The following ADAM18 variants were observed in gnomAD, a reference collection of about 807,000 sequenced individuals.
The protein encoded by ADAM18 is disintegrin and metalloproteinase domain-containing protein 18.
Under a neutral mutation model 94.4 loss-of-function variants are expected in ADAM18, and 117 were observed. The observed-to-expected ratio is 1.24, with a 90% confidence interval of 1.07 to 1.45. ADAM18 has a LOEUF of 1.45. Among genes scored for constraint, ADAM18 ranks in the 40% most tolerant of loss-of-function variants. The pLI is 0.00. For missense variants in ADAM18, 936 were observed against 880.0 expected (o/e 1.06, Z -0.81); for synonymous variants, 327 against 291.6 (o/e 1.12, Z -1.24).
intron 16 of ADAM18, among the ~76,000 whole-genome samples, chr8:39,686,196 A>G (rs1231316959): frequency 6.6e-6 from 1 of 152,042 alleles, no homozygotes; most frequent in Non-Finnish European, 1.5e-5. Context: ...CCACTTCCAC[A>G]TCTTTAGGTA....
intron 7 of ADAM18, 71 bp from the exon 8 acceptor site, chr8:39,637,193 A>G (rs1399525550): frequency 8.4e-7 from 1 of 1,186,868 alleles, no homozygotes; most frequent in African/African-American, 1.6e-5. Context: ...ATCTAATACA[A>G]TGCCTAAATA....
chr8:39,618,831 C>T (rs999761379), intron 6 of ADAM18, among the ~76,000 whole-genome samples: 6 of 152,178 alleles, frequency 3.9e-5, no homozygotes, highest in Non-Finnish European at 8.8e-5. Flanking sequence ...TGAAACCTCC[C>T]TGACTGCACG....
intron 17 of ADAM18, among the ~76,000 whole-genome samples, chr8:39,695,095 A>T (rs757562646): frequency 6.6e-6 from 1 of 151,478 alleles, no homozygotes; most frequent in Non-Finnish European, 1.5e-5. Flanking sequence ...ATTCCACTGT[A>T]CAGATGTACC....
chr8:39,677,016 G>A (rs531839902), intron 14 of ADAM18, among the ~76,000 whole-genome samples: 7 of 152,236 alleles, frequency 4.6e-5, no homozygotes, highest in Admixed American at 2.0e-4. Context: ...CATGCTGGAA[G>A]GACCAAATAA....
chr8:39,715,340 A>G (rs1822538838), intron 18 of ADAM18, among the ~76,000 whole-genome samples: 1 of 152,062 alleles, frequency 6.6e-6, no homozygotes, highest in Non-Finnish European at 1.5e-5. Flanking sequence ...TTACAGAAAA[A>G]TGCACAGCAT....
At chr8:39,638,682 TG>T in intron 10 of ADAM18, 136 bp downstream of exon 10, 1 of 443,138 alleles carries the variant, frequency 2.3e-6, no homozygotes, top group Non-Finnish European at 3.9e-6. Context: ...ATTATTTTAT[TG>T]GGACAAAATT....
chr8:39,660,559 G>A (rs1820807834), intron 12 of ADAM18, among the ~76,000 whole-genome samples: 1 of 152,104 alleles, frequency 6.6e-6, no homozygotes, highest in Non-Finnish European at 1.5e-5. Flanking sequence ...AATTATAAAT[G>A]CATCCAATAC....
intron 6 of ADAM18, among the ~76,000 whole-genome samples, chr8:39,622,548 G>A (rs1245578259): frequency 6.6e-6 from 1 of 151,732 alleles, no homozygotes; most frequent in East Asian, 1.9e-4. Context: ...TTTTACTTAT[G>A]CAATTTTTAA....
At chr8:39,689,500 T>C (rs1215652931) in intron 16 of ADAM18, among the ~76,000 whole-genome samples, 1 of 152,180 alleles carries the variant, frequency 6.6e-6, no homozygotes, top group Non-Finnish European at 1.5e-5. Context: ...GATTAGATTG[T>C]AGTAAATGTG....
chr8:39,584,597 T>C lies in ADAM18; in HGVS notation c.-26T>C, dbSNP rs773091632. The C allele has an allele frequency of 6.2e-7, 1 of 1,611,380 alleles. No individual in the cohort carries two copies. The highest frequency in any genetic ancestry group is 8.5e-7 in the Non-Finnish European group (1 of 1,179,884). ...CTGCTCAACGGTCTCTGTCCTTGGC[T>C]GTGGCTCCTGCGCTCTGGCTGAGCC... On this transcript the variant is annotated 5_prime_UTR_variant, in exon 1 of 20. Coordinates refer to ENST00000265707, the MANE Select transcript of ADAM18 (RefSeq NM_014237.3).
At chr8:39,674,178 T>C (rs1281896543) in intron 14 of ADAM18, among the ~76,000 whole-genome samples, 1 of 152,200 alleles carries the variant, frequency 6.6e-6, no homozygotes, top group Non-Finnish European at 1.5e-5. Flanking sequence ...TGGATATTCT[T>C]GTTAACCTTC....
intron 19 of ADAM18, among the ~76,000 whole-genome samples, chr8:39,729,665 T>A (rs908981281): frequency 6.6e-6 from 1 of 152,036 alleles, no homozygotes; most frequent in Non-Finnish European, 1.5e-5. Flanking sequence ...AGCTTTTTAG[T>A]TGGACTCCTT....
chr8:39,662,179 C>T (rs1820858784), intron 12 of ADAM18, among the ~76,000 whole-genome samples: 1 of 151,900 alleles, frequency 6.6e-6, no homozygotes, highest in East Asian at 1.9e-4. Context: ...AATGATTGGT[C>T]ATAATTAGTA....
intron 2 of ADAM18, among the ~76,000 whole-genome samples, chr8:39,588,228 GTT>G (rs770258606): frequency 1.5e-5 from 2 of 131,732 alleles, no homozygotes; most frequent in African/African-American, 2.8e-5. Flanking sequence ...GTGGGTGTGG[GTT>G]TTTTTTTTTT....
At chr8:39,606,647 T>C (rs1004175741) in intron 3 of ADAM18, among the ~76,000 whole-genome samples, 13 of 152,190 alleles carry the variant, frequency 8.5e-5, no homozygotes, top group African/African-American at 2.9e-4. Flanking sequence ...GCAAGTTATA[T>C]ATTAAGTATA....
At chr8:39,626,749 C>T (rs533148068) in intron 6 of ADAM18, among the ~76,000 whole-genome samples, 7 of 152,038 alleles carry the variant, frequency 4.6e-5, no homozygotes, top group African/African-American at 1.7e-4. Context: ...TAGTTTTACT[C>T]CACTGTGTCT....
At chr8:39,584,777 C>T in intron 1 of ADAM18, 100 bp downstream of exon 1, 2 of 1,347,958 alleles carry the variant, frequency 1.5e-6, no homozygotes, top group Non-Finnish European at 2.1e-6. Context: ...TCCCCCTCTC[C>T]CTTCTGGGAT....
chr8:39,637,181 A>G, intron 7 of ADAM18, 83 bp from the exon 8 acceptor site: 1 of 1,063,464 alleles, frequency 9.4e-7, no homozygotes, highest in Non-Finnish European at 1.3e-6. Context: ...ATTACTTATA[A>G]TATCTAATAC....
intron 16 of ADAM18, among the ~76,000 whole-genome samples, chr8:39,681,029 C>G (rs548428564): frequency 6.6e-6 from 1 of 152,328 alleles, no homozygotes; most frequent in African/African-American, 2.4e-5. Flanking sequence ...TCATTCATTC[C>G]TTTGTGTAAT....
Sources: gnomAD v4.1 joint callset for allele counts (sites outside exome capture counted in the v4.1 genomes callset) on GRCh38, gnomAD v4.1.1 for gene constraint, MANE v1.5 for transcripts, NCBI Gene and HGNC (gene_info 2026-07-23, HGNC 2026-07-21) for gene names.